The following IMMP2L variants were observed in gnomAD, a reference collection of about 807,000 sequenced individuals.
IMMP2L encodes the protein inner mitochondrial membrane peptidase subunit 2, also known as mitochondrial inner membrane protease subunit 2.
A neutral mutation model predicts 19.3 loss-of-function variants in IMMP2L; 18 were observed. That is an observed-to-expected ratio of 0.93 (90% CI 0.64 to 1.38). The LOEUF (loss-of-function observed/expected upper bound fraction) is 1.38. Among genes scored for constraint, IMMP2L ranks in the 40% most tolerant of loss-of-function variants. IMMP2L has a pLI of 0.00. For synonymous variants in IMMP2L, 76 were observed against 73.0 expected, an observed-to-expected ratio of 1.04 and a Z score of -0.21; for missense variants, 233 against 218.2, an observed-to-expected ratio of 1.07 and a Z score of -0.43.
intron 3 of IMMP2L, among the ~76,000 whole-genome samples, chr7:111,465,188 C>A (rs1367832788): frequency 6.6e-6 from 1 of 152,072 alleles, no homozygotes; most frequent in South Asian, 2.1e-4. Context: ...GGCTCTCTGA[C>A]CCCTATATGG....
chr7:111,276,138 G>C (rs1436359050), intron 3 of IMMP2L, among the ~76,000 whole-genome samples: 1 of 151,956 alleles, frequency 6.6e-6, no homozygotes, highest in Non-Finnish European at 1.5e-5. Flanking sequence ...CTAGTCTTTT[G>C]AGGATATTTA....
At chr7:111,436,880 AG>A (rs1159703956) in intron 3 of IMMP2L, among the ~76,000 whole-genome samples, 2 of 151,746 alleles carry the variant, frequency 1.3e-5, no homozygotes, top group African/African-American at 4.9e-5. Flanking sequence ...AAGGGGGTGC[AG>A]GTATGGCAAG....
intron 5 of IMMP2L, among the ~76,000 whole-genome samples, chr7:110,775,241 TAA>T (rs1156949759): frequency 9.8e-6 from 1 of 101,826 alleles, no homozygotes; most frequent in African/African-American, 4.0e-5. Flanking sequence ...GCATAATGCT[TAA>T]GTCAGCTGTG....
chr7:110,868,239 G>A (rs890107281), intron 5 of IMMP2L, among the ~76,000 whole-genome samples: 3 of 151,052 alleles, frequency 2.0e-5, no homozygotes, highest in African/African-American at 7.3e-5. Flanking sequence ...AACACCTGGT[G>A]TATATTATTT....
chr7:111,141,857 T>C (rs970913835), intron 3 of IMMP2L, among the ~76,000 whole-genome samples: 2 of 152,150 alleles, frequency 1.3e-5, no homozygotes, highest in Non-Finnish European at 2.9e-5. Context: ...TGCACCACCA[T>C]GCCTGGCTAA....
chr7:111,186,548 C>G (rs1808285368), intron 3 of IMMP2L, among the ~76,000 whole-genome samples: 1 of 152,082 alleles, frequency 6.6e-6, no homozygotes, highest in African/African-American at 2.4e-5. Flanking sequence ...CCTGCTTCAG[C>G]CTCCTGAGTA....
At position 110,858,118 on chromosome 7, in the gene IMMP2L, T is replaced by C. The variant is rs190904916; in HGVS notation, c.408+28475A>G. On this transcript the variant is annotated intron_variant, in intron 5 of 5. Coordinates refer to ENST00000405709, the MANE Select transcript of IMMP2L (RefSeq NM_032549.4). ...TTCCTTTCAATTACATTTGTATTAA[T>C]CTTTTTTGGTAGGTTAAACAAGAAA... Among the ~76,000 whole-genome samples, 41 of 152,222 alleles carry C rather than the reference T, an allele frequency of 2.7e-4. 1 individual carries two copies. The highest frequency in any genetic ancestry group is 6.8e-3 in the Middle Eastern group (2 of 294).
intron 4 of IMMP2L, among the ~76,000 whole-genome samples, chr7:110,923,992 T>A (rs374639407): frequency 6.6e-6 from 1 of 152,172 alleles, no homozygotes; most frequent in African/African-American, 2.4e-5. Flanking sequence ...TCCTCCTTCC[T>A]TGGCCCTTAA....
chr7:111,287,074 A>C (rs945520758), intron 3 of IMMP2L, among the ~76,000 whole-genome samples: 5 of 152,152 alleles, frequency 3.3e-5, no homozygotes, highest in Non-Finnish European at 7.4e-5. Flanking sequence ...GGATCTCTGC[A>C]ATTGATTTTA....
chr7:110,977,921 G>A (rs1820872004), intron 3 of IMMP2L, among the ~76,000 whole-genome samples: 1 of 152,002 alleles, frequency 6.6e-6, no homozygotes, highest in Admixed American at 6.6e-5. Flanking sequence ...AATTGCTCCA[G>A]TAAAATGCCG....
intron 3 of IMMP2L, among the ~76,000 whole-genome samples, chr7:111,108,045 T>C (rs1798747315): frequency 6.6e-6 from 1 of 152,152 alleles, no homozygotes; most frequent in Non-Finnish European, 1.5e-5. Flanking sequence ...ACTGTTTTTG[T>C]TTTTATTGTT....
intron 3 of IMMP2L, among the ~76,000 whole-genome samples, chr7:111,028,537 C>T (rs1283167429): frequency 1.3e-5 from 2 of 152,006 alleles, no homozygotes; most frequent in African/African-American, 4.8e-5. Context: ...AAAGAAAAAG[C>T]TATGTAGTTT....
Position 111,123,374 on chromosome 7 carries a change from T to A in IMMP2L, c.240-159809A>T, listed in dbSNP as rs756359844. ...CTGATGATTGGGGAAAATCCAATTA[T>A]CAGAATCAAAGACATGAACTTTAAG... is the stretch of plus-strand genomic sequence containing the variant. On this transcript the variant is annotated intron_variant, in intron 3 of 5. Coordinates refer to ENST00000405709, the MANE Select transcript of IMMP2L (RefSeq NM_032549.4). The surrounding 1 kb of genome is among the most constrained non-coding windows in gnomAD (Gnocchi z 6.4). The A allele has an allele frequency of 1.9e-5, 30 of 1,613,832 alleles. No individual in the cohort carries two copies. In the East Asian group the frequency reaches 6.7e-4, roughly 36 times the overall value.
intron 3 of IMMP2L, among the ~76,000 whole-genome samples, chr7:110,970,165 GA>G (rs1819990509): frequency 6.6e-6 from 1 of 152,020 alleles, no homozygotes; most frequent in African/African-American, 2.4e-5. Flanking sequence ...TTCTATAATT[GA>G]AAAGAGCTGT....
intron 5 of IMMP2L, among the ~76,000 whole-genome samples, chr7:110,882,613 T>G (rs910732534): frequency 1.3e-5 from 2 of 152,018 alleles, no homozygotes; most frequent in African/African-American, 4.8e-5. Context: ...ACTCCTGACC[T>G]CAGGTGATCC....
At chr7:110,986,042 A>G (rs1821818769) in intron 3 of IMMP2L, among the ~76,000 whole-genome samples, 2 of 152,168 alleles carry the variant, frequency 1.3e-5, no homozygotes. Context: ...GCAATATCAG[A>G]TAAAATTAGC....
intron 5 of IMMP2L, among the ~76,000 whole-genome samples, chr7:110,695,984 G>A (rs1010824712): frequency 7.2e-5 from 11 of 152,180 alleles, no homozygotes; most frequent in African/African-American, 2.7e-4. Context: ...CATGATAGAG[G>A]TAAATGTACA....
intron 3 of IMMP2L, among the ~76,000 whole-genome samples, chr7:111,044,194 A>G (rs1433139144): frequency 6.6e-6 from 1 of 152,218 alleles, no homozygotes; most frequent in Non-Finnish European, 1.5e-5. Context: ...ATATTATGGA[A>G]TAGGATAAAA....
intron 3 of IMMP2L, among the ~76,000 whole-genome samples, chr7:111,348,322 G>A (rs905875213): frequency 1.3e-4 from 20 of 151,954 alleles, no homozygotes; most frequent in Non-Finnish European, 2.5e-4. Context: ...TTATGAAGAT[G>A]AAATACTTCT....
Sources: allele counts gnomAD v4.1 joint callset (sites outside exome capture counted in the v4.1 genomes callset), GRCh38; gene constraint gnomAD v4.1.1; non-coding constraint Gnocchi (gnomAD v3.1); transcripts MANE v1.5; gene names NCBI Gene and HGNC (gene_info 2026-07-23, HGNC 2026-07-21).